Variants in FAM47E observed in about 807,000 individuals in gnomAD.
FAM47E encodes the protein protein FAM47E.
Under a neutral mutation model 41.6 loss-of-function variants are expected in FAM47E, and 32 were observed. The ratio of observed to expected loss-of-function variants is 0.77; its 90% CI spans 0.58 to 1.03. FAM47E has a LOEUF of 1.03. FAM47E is among the 50% of genes least tolerant of loss of function. FAM47E has a pLI of 0.00. For synonymous variants in FAM47E, 184 were observed against 188.7 expected, an observed-to-expected ratio of 0.98 and a Z score of 0.20; for missense variants, 424 against 485.4, an observed-to-expected ratio of 0.87 and a Z score of 1.19.
At chr4:76,236,981 C>T (rs1733598530) in intron 2 of FAM47E, among the ~76,000 whole-genome samples, 1 of 151,012 alleles carries the variant, frequency 6.6e-6, no homozygotes, top group Non-Finnish European at 1.5e-5. Flanking sequence ...CTGCAAGCTC[C>T]GTCTCCCAGG....
intron 1 of FAM47E, among the ~76,000 whole-genome samples, chr4:76,214,733 TA>T (rs1415345551): frequency 2.6e-5 from 4 of 152,202 alleles, no homozygotes; most frequent in Non-Finnish European, 5.9e-5. Flanking sequence ...GCCAGCCCTT[TA>T]CTAGTTTCTT....
At chr4:76,215,257 T>C (rs1411623942) in intron 1 of FAM47E, among the ~76,000 whole-genome samples, 1 of 152,238 alleles carries the variant, frequency 6.6e-6, no homozygotes, top group African/African-American at 2.4e-5. Flanking sequence ...TGTATTATCC[T>C]CATTTTACAC....
At chr4:76,268,572 A>C (rs528434403) in intron 3 of FAM47E, 88 bp from the exon 4 acceptor site, 1 of 1,355,834 alleles carries the variant, frequency 7.4e-7, no homozygotes, top group East Asian at 2.6e-5. Flanking sequence ...TACTTGCTTT[A>C]TGATTTCCTT....
At chr4:76,271,962 T>C (rs1327244713) in intron 5 of FAM47E, among the ~76,000 whole-genome samples, 194 bp downstream of exon 5, 2 of 152,198 alleles carry the variant, frequency 1.3e-5, no homozygotes, top group Non-Finnish European at 2.9e-5. Context: ...AAATGAGGCA[T>C]GTCATTTGGG....
At chr4:76,277,970 CA>C in intron 5 of FAM47E, 98 bp from the exon 6 acceptor site, 1 of 1,328,044 alleles carries the variant, frequency 7.5e-7, no homozygotes, top group Non-Finnish European at 9.7e-7. Flanking sequence ...ACCTAAATTC[CA>C]AAGTAATGAT....
At chr4:76,278,554 A>T in intron 6 of FAM47E, 1 of 355,652 alleles carries the variant, frequency 2.8e-6, no homozygotes, top group East Asian at 4.2e-5. Flanking sequence ...AGTGCCCAGA[A>T]TAGATGTGCT....
At chr4:76,281,224 A>G (rs1735332628) in intron 7 of FAM47E, 1 of 152,224 alleles carries the variant, frequency 6.6e-6, no homozygotes, top group Non-Finnish European at 1.5e-5. Flanking sequence ...TTTTTCCAAG[A>G]GTGATAGAAC....
Position 76,256,414 on chromosome 4 carries a change from T to C in FAM47E, c.311T>C (p.Leu104Pro). The C allele has an allele frequency of 2.6e-6, 4 of 1,552,374 alleles. No individual in the cohort carries two copies. The highest frequency in any genetic ancestry group is 2.6e-6 in the Non-Finnish European group (3 of 1,147,470). The stretch of plus-strand genomic sequence containing the variant: ...AAGGAAGCAGACGTGCTTTCCAAGC[T>C]CTCGCCAGCCCAGCAGGCTCGGAAG... ...LLKEADVLSK[L>P]SPAQQARKAF... The change falls in exon 2 of 8, where the codon CTC (leucine) becomes CCC (proline). Residue 104 changes from leucine to proline, a missense_variant. Transcript: ENST00000424749.
At chr4:76,246,349 C>T (rs779905460) in intron 2 of FAM47E, among the ~76,000 whole-genome samples, 5 of 152,050 alleles carry the variant, frequency 3.3e-5, no homozygotes, top group African/African-American at 4.8e-5. Flanking sequence ...AGTGTATATG[C>T]TTTACTGGTT....
intron 1 of FAM47E, among the ~76,000 whole-genome samples, chr4:76,215,778 G>A (rs1325536697): frequency 6.6e-6 from 1 of 152,106 alleles, no homozygotes; most frequent in Non-Finnish European, 1.5e-5. Context: ...GAGTCTGTAG[G>A]AAGAGAAATG....
chr4:76,240,213 T>C (rs114009707), intron 2 of FAM47E, among the ~76,000 whole-genome samples: 17 of 152,362 alleles, frequency 1.1e-4, no homozygotes, highest in African/African-American at 4.1e-4. Context: ...TTTAGCACTT[T>C]ATATCAGCCT....
Position 76,263,694 on chromosome 4 carries a change from CTGTTTGT to C in FAM47E, c.421-9_421-3del. 6.5e-7 allele frequency: 1 copy of C among 1,548,434 alleles called. No individual in the cohort carries two copies. The highest frequency in any genetic ancestry group is 1.2e-5 in the South Asian group (1 of 83,700). ...TTTTCTTTTCCTCTAAGACTATTTT[CTGTTTGT>C]AGCTCTTATCAAAGGTGCTGGAAGT... On this transcript the variant is annotated splice_polypyrimidine_tract_variant and splice_region_variant and intron_variant, in intron 2 of 7. Transcript: ENST00000424749.
intron 2 of FAM47E, chr4:76,236,693 G>T (rs1242268175): frequency 3.3e-5 from 5 of 149,576 alleles, no homozygotes; most frequent in Non-Finnish European, 6.0e-5. Context: ...GGTGGGGGGT[G>T]GGGTGGGGGT....
At chr4:76,277,161 C>A (rs1735153648) in intron 5 of FAM47E, among the ~76,000 whole-genome samples, 2 of 152,174 alleles carry the variant, frequency 1.3e-5, no homozygotes, top group Non-Finnish European at 2.9e-5. Flanking sequence ...GAGATATGTT[C>A]ATCGTCCTCT....
intron 1 of FAM47E, among the ~76,000 whole-genome samples, chr4:76,216,507 C>G (rs1733210546): frequency 6.6e-6 from 1 of 152,214 alleles, no homozygotes; most frequent in African/African-American, 2.4e-5. Flanking sequence ...GGTACTCTTC[C>G]TTTTCATTGT....
chr4:76,282,557 T>G (rs1735401320), intron 7 of FAM47E: 1 of 152,230 alleles, frequency 6.6e-6, no homozygotes, highest in Admixed American at 6.5e-5. Flanking sequence ...CAGCCCAACC[T>G]GGCATTGTCT....
chr4:76,231,165 T>C (rs1414940814), intron 2 of FAM47E, among the ~76,000 whole-genome samples: 1 of 152,260 alleles, frequency 6.6e-6, no homozygotes, highest in African/African-American at 2.4e-5. Flanking sequence ...AGATGACTGA[T>C]AGCTATAGTT....
At chr4:76,260,559 TAACTC>T (rs145806341) in intron 2 of FAM47E, among the ~76,000 whole-genome samples, 19,599 of 152,024 alleles carry the variant, frequency 0.13, 1,544 homozygotes, top group East Asian at 0.32. Flanking sequence ...ATACAAAAAT[TAACTC>T]AAGGTGGACT....
At chr4:76,259,175 C>T (rs929003105) in intron 2 of FAM47E, among the ~76,000 whole-genome samples, 2 of 152,202 alleles carry the variant, frequency 1.3e-5, no homozygotes, top group African/African-American at 2.4e-5. Flanking sequence ...TATGCCTCTT[C>T]ACATATAACA....
Sources: gnomAD v4.1 joint callset for allele counts (sites outside exome capture counted in the v4.1 genomes callset) on GRCh38, gnomAD v4.1.1 for gene constraint, MANE v1.5 for transcripts, NCBI Gene and HGNC (gene_info 2026-07-23, HGNC 2026-07-21) for gene names.